The following ZPBP variants were observed in gnomAD, a reference collection of about 807,000 sequenced individuals.
ZPBP encodes zona pellucida-binding protein 1.
A neutral mutation model predicts 44.8 loss-of-function variants in ZPBP; 26 were observed. That is an observed-to-expected ratio of 0.58 (90% CI 0.43 to 0.81). The LOEUF (loss-of-function observed/expected upper bound fraction) is 0.81. Ranked by LOEUF, ZPBP falls within the 30% of genes least tolerant of loss-of-function variation. ZPBP has a pLI of 0.00. For missense variants in ZPBP, 409 were observed against 434.0 expected (o/e 0.94, Z 0.51); for synonymous variants, 174 against 153.2 (o/e 1.14, Z -1.00).
intron 6 of ZPBP, among the ~76,000 whole-genome samples, chr7:49,986,035 T>G (rs1797263821): frequency 6.6e-6 from 1 of 152,196 alleles, no homozygotes; most frequent in African/African-American, 2.4e-5. Flanking sequence ...AATGTGTCCA[T>G]GCACCTAATT....
chr7:50,045,069 T>C (rs1345440434), intron 4 of ZPBP, among the ~76,000 whole-genome samples: 20 of 152,220 alleles, frequency 1.3e-4, no homozygotes, highest in Admixed American at 2.6e-4. Context: ...TCTCAATATA[T>C]GCAGAAAAGG....
At chr7:49,962,995 A>C (rs759848060) in intron 7 of ZPBP, among the ~76,000 whole-genome samples, 1 of 151,664 alleles carries the variant, frequency 6.6e-6, no homozygotes, top group Non-Finnish European at 1.5e-5. Context: ...TCCAAAATAT[A>C]TAAAAAATCT....
intron 7 of ZPBP, among the ~76,000 whole-genome samples, chr7:49,953,657 A>G (rs1480999242): frequency 6.6e-6 from 1 of 152,150 alleles, no homozygotes; most frequent in African/African-American, 2.4e-5. Flanking sequence ...CAAATAAGGC[A>G]AAATTCACAA....
At chr7:49,959,273 A>C (rs1198567540) in intron 7 of ZPBP, among the ~76,000 whole-genome samples, 1 of 151,216 alleles carries the variant, frequency 6.6e-6, no homozygotes, top group Non-Finnish European at 1.5e-5. Context: ...GCCAAAAAAA[A>C]AAAAGGCACA....
intron 7 of ZPBP, among the ~76,000 whole-genome samples, chr7:49,979,851 T>C (rs374520212): frequency 4.9e-5 from 2 of 40,480 alleles, no homozygotes; most frequent in Non-Finnish European, 9.3e-5. Flanking sequence ...ATATATAAAA[T>C]ATATATAATA....
chr7:50,036,319 C>T (rs1397003152), intron 4 of ZPBP, among the ~76,000 whole-genome samples: 6 of 152,014 alleles, frequency 3.9e-5, no homozygotes, highest in Admixed American at 2.6e-4. Context: ...GAGCTGGCTA[C>T]TTTTTTCTTT....
intron 2 of ZPBP, among the ~76,000 whole-genome samples, chr7:50,085,963 C>A (rs530776929): frequency 6.6e-6 from 1 of 152,016 alleles, no homozygotes; most frequent in Admixed American, 6.5e-5. Flanking sequence ...AGGTTCTGCA[C>A]GGCATAAAGT....
the ZPBP span, among the ~76,000 whole-genome samples, chr7:49,844,828 G>A: frequency 2.0e-5 from 3 of 152,018 alleles, no homozygotes; most frequent in African/African-American, 7.2e-5. Context: ...GAGTAGCTGA[G>A]ATTACAGGTG....
chr7:50,089,163 A>C (rs777988467), intron 2 of ZPBP, among the ~76,000 whole-genome samples: 17 of 152,082 alleles, frequency 1.1e-4, no homozygotes, highest in Non-Finnish European at 1.8e-4. Flanking sequence ...ATGGTTGCCT[A>C]ATCTTGTCAA....
intron 6 of ZPBP, among the ~76,000 whole-genome samples, chr7:50,003,482 C>G (rs536323410): frequency 6.6e-6 from 1 of 152,340 alleles, no homozygotes; most frequent in African/African-American, 2.4e-5. Flanking sequence ...ATTCTTCATT[C>G]CTCCCTAGAG....
chr7:50,091,391 A>G (rs770067209), intron 1 of ZPBP, among the ~76,000 whole-genome samples: 31 of 152,202 alleles, frequency 2.0e-4, no homozygotes, highest in Non-Finnish European at 2.6e-4. Flanking sequence ...GTTCTTGGAC[A>G]TGAAATCTTT....
chr7:50,067,197 T>G (rs1801552174), intron 3 of ZPBP, among the ~76,000 whole-genome samples: 1 of 152,158 alleles, frequency 6.6e-6, no homozygotes, highest in African/African-American at 2.4e-5. Context: ...TACGTTTGCC[T>G]TTCCCTTTTT....
At chr7:49,901,048 C>CT (rs924745421) in intron 2 of ZPBP, 6 of 151,750 alleles carry the variant, frequency 4.0e-5, no homozygotes, top group Non-Finnish European at 8.9e-5. Flanking sequence ...ATAAGGTAAA[C>CT]TAGGAACAGA....
intron 2 of ZPBP, among the ~76,000 whole-genome samples, chr7:49,900,335 T>C (rs903250415): frequency 6.6e-6 from 1 of 151,702 alleles, no homozygotes; most frequent in Non-Finnish European, 1.5e-5. Context: ...AATCTATTAA[T>C]TTAAAACAGG....
intron 6 of ZPBP, among the ~76,000 whole-genome samples, chr7:50,004,731 C>T (rs1256489216): frequency 6.6e-6 from 1 of 151,894 alleles, no homozygotes; most frequent in Non-Finnish European, 1.5e-5. Flanking sequence ...GAAAACAGGT[C>T]ATTTGAAATT....
intron 7 of ZPBP, among the ~76,000 whole-genome samples, chr7:49,939,646 C>T (rs755469190): frequency 3.3e-5 from 5 of 151,752 alleles, no homozygotes; most frequent in Non-Finnish European, 5.9e-5. Flanking sequence ...AATGCACTAA[C>T]CATAATGTAA....
intron 2 of ZPBP, among the ~76,000 whole-genome samples, chr7:49,856,901 C>G (rs1244594064): frequency 6.7e-6 from 1 of 149,114 alleles, no homozygotes; most frequent in African/African-American, 2.5e-5. Flanking sequence ...CCCAGCTACT[C>G]GGGAGGCTGA....
chr7:49,954,190 T>C (rs1562798164), intron 7 of ZPBP, among the ~76,000 whole-genome samples: 1 of 152,148 alleles, frequency 6.6e-6, no homozygotes, highest in Non-Finnish European at 1.5e-5. Flanking sequence ...CCATTAATTA[T>C]GGAAATACTA....
chr7:49,851,044 A>G (rs1283460137), intron 2 of ZPBP, among the ~76,000 whole-genome samples: 1 of 152,184 alleles, frequency 6.6e-6, no homozygotes, highest in Non-Finnish European at 1.5e-5. Context: ...AAGTAGATCA[A>G]GGTCCCACAG....
Sources: allele counts gnomAD v4.1 joint callset (sites outside exome capture counted in the v4.1 genomes callset), GRCh38; gene constraint gnomAD v4.1.1; transcripts MANE v1.5; gene names NCBI Gene and HGNC (gene_info 2026-07-23, HGNC 2026-07-21).